The following RBFOX1 variants were observed in gnomAD, a reference collection of about 807,000 sequenced individuals.
RBFOX1 encodes the protein RNA binding protein fox-1 homolog 1.
Under a neutral mutation model 57.7 loss-of-function variants are expected in RBFOX1, and 8 were observed. The observed-to-expected ratio is 0.14, with a 90% CI of 0.08 to 0.25. The LOEUF (loss-of-function observed/expected upper bound fraction) is 0.25, where lower values mean the gene tolerates loss of function less well. Ranked by LOEUF, RBFOX1 falls within the 10% of genes least tolerant of loss-of-function variation. The pLI is 1.00. For missense variants in RBFOX1, 611 were observed against 548.5 expected (o/e 1.11, Z -1.14); for synonymous variants, 326 against 222.4 (o/e 1.47, Z -4.15).
chr16:7,653,782 T>C, intron 11 of RBFOX1, 33 bp from the exon 12 acceptor site: 1 of 1,413,046 alleles, frequency 7.1e-7, no homozygotes, highest in Non-Finnish European at 9.7e-7. Flanking sequence ...TGACAGCCTG[T>C]GCTCTCTCTC....
chr16:7,702,344 C>G (rs2081020282), intron 14 of RBFOX1, among the ~76,000 whole-genome samples: 2 of 152,310 alleles, frequency 1.3e-5, no homozygotes, highest in East Asian at 1.9e-4. Context: ...TGTCTCCATT[C>G]TGACCCCACA....
chr16:5,344,506 A>C (rs1223009465), intron 1 of RBFOX1, among the ~76,000 whole-genome samples: 1 of 152,164 alleles, frequency 6.6e-6, no homozygotes, highest in Non-Finnish European at 1.5e-5. Flanking sequence ...CCCCAATTCA[A>C]AACTTGCCAG....
At chr16:6,523,383 G>A (rs1411122907) in intron 2 of RBFOX1, among the ~76,000 whole-genome samples, 2 of 152,150 alleles carry the variant, frequency 1.3e-5, no homozygotes, top group Non-Finnish European at 2.9e-5. Context: ...CGGAAGCTGT[G>A]ATTTTGATTG....
chr16:5,746,062 A>G (rs1200933983), intron 3 of RBFOX1, among the ~76,000 whole-genome samples: 1 of 152,198 alleles, frequency 6.6e-6, no homozygotes, highest in East Asian at 1.9e-4. Flanking sequence ...TAGGGTTTCT[A>G]TAGTTTTAGG....
At chr16:6,424,302 G>A (rs1186720883) in intron 2 of RBFOX1, among the ~76,000 whole-genome samples, 1 of 152,152 alleles carries the variant, frequency 6.6e-6, no homozygotes, top group African/African-American at 2.4e-5. Flanking sequence ...CTGCATTAAG[G>A]AGGCAGTCTA....
intron 3 of RBFOX1, among the ~76,000 whole-genome samples, chr16:5,759,761 T>C (rs1244845794): frequency 6.6e-6 from 1 of 151,230 alleles, no homozygotes; most frequent in Middle Eastern, 3.2e-3. Flanking sequence ...TTTTCTGATC[T>C]CCCTGATCCT....
chr16:5,509,507 G>C (rs2043502937), intron 2 of RBFOX1, among the ~76,000 whole-genome samples: 1 of 152,250 alleles, frequency 6.6e-6, no homozygotes, highest in Admixed American at 6.5e-5. Context: ...TGAGCAAAGA[G>C]AGAAAGGGGA....
intron 4 of RBFOX1, among the ~76,000 whole-genome samples, chr16:7,085,502 C>G (rs752382747): frequency 8.5e-5 from 13 of 152,138 alleles, no homozygotes; most frequent in African/African-American, 2.4e-4. Context: ...TTGACCGATT[C>G]ACCACCACTG....
At chr16:6,383,493 G>A (rs976926545) in intron 2 of RBFOX1, among the ~76,000 whole-genome samples, 7 of 152,144 alleles carry the variant, frequency 4.6e-5, no homozygotes, top group Admixed American at 3.3e-4. Flanking sequence ...AACAGCACAG[G>A]GCTGGACACA....
rs189899413 is a variant in RBFOX1, at chr16:6,937,957, G to C, written c.-15-114100G>C. Among the ~76,000 whole-genome samples, 216 of 118,376 alleles carry C rather than the reference G, an allele frequency of 1.8e-3. 1 individual carries two copies. The highest frequency in any genetic ancestry group is 6.6e-3 in the African/African-American group (205 of 30,948). The allele number at this position is 118,376 out of a possible 152,430, so 77.7% of individuals were successfully genotyped here. A position where few individuals can be genotyped will look rare whatever the true frequency, so the allele number is the denominator to read the frequency against. On this transcript the variant is annotated intron_variant, in intron 3 of 15. Transcript: ENST00000550418. ...CTCAACTTTGGAATGCCCTGGCTGA[G>C]AGGAGAGGTCCATTTAGATGGGTGG... is the stretch of plus-strand genomic sequence containing the variant.
chr16:5,528,168 T>C (rs559404921), intron 2 of RBFOX1, among the ~76,000 whole-genome samples: 1 of 152,292 alleles, frequency 6.6e-6, no homozygotes, highest in South Asian at 2.1e-4. Flanking sequence ...TTCTGGGTCC[T>C]AAGGTTCTGC....
At chr16:7,348,175 A>C (rs1318301277) in intron 4 of RBFOX1, among the ~76,000 whole-genome samples, 1 of 152,232 alleles carries the variant, frequency 6.6e-6, no homozygotes, top group African/African-American at 2.4e-5. Context: ...ACAAACAAAC[A>C]TACAGAGATA....
At chr16:7,525,107 C>G (rs902705805) in intron 5 of RBFOX1, among the ~76,000 whole-genome samples, 2 of 152,108 alleles carry the variant, frequency 1.3e-5, no homozygotes, top group Non-Finnish European at 2.9e-5. Flanking sequence ...GCCTGCTTGT[C>G]CTCTATCTCT....
intron 4 of RBFOX1, among the ~76,000 whole-genome samples, chr16:5,932,248 C>T (rs942339635): frequency 2.6e-5 from 4 of 152,110 alleles, no homozygotes; most frequent in Admixed American, 6.6e-5. Flanking sequence ...TTTGATGCAC[C>T]GTAGCTGGTT....
intron 1 of RBFOX1, among the ~76,000 whole-genome samples, chr16:6,179,607 G>T (rs1002648129): frequency 1.3e-5 from 2 of 152,110 alleles, no homozygotes; most frequent in Non-Finnish European, 2.9e-5. Flanking sequence ...CATCAGCATG[G>T]ATGCCTACAG....
At chr16:7,280,963 C>A (rs1005211761) in intron 4 of RBFOX1, among the ~76,000 whole-genome samples, 4 of 93,840 alleles carry the variant, frequency 4.3e-5, no homozygotes, top group African/African-American at 1.9e-4. Flanking sequence ...CTACCTCCCT[C>A]CCTCCCTCCC....
At chr16:5,290,947 G>T (rs537341288) in intron 1 of RBFOX1, among the ~76,000 whole-genome samples, 1 of 152,160 alleles carries the variant, frequency 6.6e-6, no homozygotes, top group Non-Finnish European at 1.5e-5. Context: ...TGATGCACCC[G>T]CCTCAGCTTC....
chr16:6,678,525 TAAAG>T (rs201884480), intron 3 of RBFOX1, among the ~76,000 whole-genome samples: 6 of 151,686 alleles, frequency 4.0e-5, no homozygotes, highest in East Asian at 3.9e-4. Flanking sequence ...ACTTACAAAA[TAAAG>T]AGAGTGAAAC....
At chr16:7,662,304 C>T (rs923001028) in intron 12 of RBFOX1, among the ~76,000 whole-genome samples, 1 of 152,184 alleles carries the variant, frequency 6.6e-6, no homozygotes, top group South Asian at 2.1e-4. Context: ...TTGCCCTGGT[C>T]TCCTAATTCA....
Sources: gnomAD v4.1 joint callset for allele counts (sites outside exome capture counted in the v4.1 genomes callset) on GRCh38, gnomAD v4.1.1 for gene constraint, MANE v1.5 for transcripts, NCBI Gene and HGNC (gene_info 2026-07-23, HGNC 2026-07-21) for gene names.